RGS6: variants seen among roughly 807,000 people sequenced by gnomAD.
The protein encoded by RGS6 is regulator of G-protein signaling 6.
Under a neutral mutation model 78.5 loss-of-function variants are expected in RGS6, and 30 were observed. That is an observed-to-expected ratio of 0.38 (90% CI 0.29 to 0.52). The LOEUF (loss-of-function observed/expected upper bound fraction) is 0.52, where lower values mean the gene tolerates loss of function less well. RGS6 is among the 20% of genes least tolerant of loss of function. The pLI, the probability that RGS6 is intolerant of heterozygous loss-of-function variation, is 0.85. For missense variants in RGS6, 495 were observed against 609.7 expected, an observed-to-expected ratio of 0.81 and a Z score of 1.98; for synonymous variants, 206 against 206.0, an observed-to-expected ratio of 1.00 and a Z score of 0.00.
chr14:72,411,761 A>G (rs1387917083), intron 3 of RGS6, among the ~76,000 whole-genome samples: 9 of 152,144 alleles, frequency 5.9e-5, no homozygotes, highest in Admixed American at 2.0e-4. Context: ...AATTTATTGA[A>G]AGTTTTTAGC....
At chr14:72,572,524 C>T in the RGS6 span, among the ~76,000 whole-genome samples, 1 of 152,120 alleles carries the variant, frequency 6.6e-6, no homozygotes, top group Non-Finnish European at 1.5e-5. Flanking sequence ...AAACATTATG[C>T]TAAGTGAAAG....
chr14:71,903,809 C>G, the RGS6 span, among the ~76,000 whole-genome samples: 1 of 152,244 alleles, frequency 6.6e-6, no homozygotes, highest in East Asian at 1.9e-4. Flanking sequence ...TTCATTTGTC[C>G]TTAGAAAAAT....
intron 3 of RGS6, among the ~76,000 whole-genome samples, chr14:72,378,298 A>G (rs2085252049): frequency 6.6e-6 from 1 of 152,188 alleles, no homozygotes; most frequent in South Asian, 2.1e-4. Flanking sequence ...ATCTCCAGAA[A>G]CCAGAAAACT....
intron 2 of RGS6, among the ~76,000 whole-genome samples, chr14:72,148,059 A>G (rs567855194): frequency 1.4e-5 from 2 of 144,256 alleles, no homozygotes; most frequent in South Asian, 4.6e-4. Context: ...TGAACCTGGG[A>G]GGCAGAGCTT....
Position 72,319,172 on chromosome 14 carries a change from A to T in RGS6, c.85-32923A>T, listed in dbSNP as rs1159539817. Among the ~76,000 whole-genome samples the T allele has an allele frequency of 2.6e-5, 4 of 152,322 alleles. No homozygotes were observed. The East Asian group carries it at 5.8e-4, about 22-fold the overall frequency. On this transcript the variant is annotated intron_variant, in intron 2 of 17. Coordinates refer to ENST00000553525, the MANE Select transcript of RGS6 (RefSeq NM_001204424.2). ...CTGGAAAATAGATGGTAAATGCAGA[A>T]CACTCACTATAGGTGATTCCAACAG...
At chr14:72,145,350 A>G (rs1228012599) in intron 2 of RGS6, among the ~76,000 whole-genome samples, 2 of 152,214 alleles carry the variant, frequency 1.3e-5, no homozygotes, top group South Asian at 2.1e-4. Context: ...GAGTCAAACC[A>G]TGGACAGAAT....
chr14:72,556,334 C>T (rs957396680), intron 17 of RGS6, among the ~76,000 whole-genome samples: 3 of 152,062 alleles, frequency 2.0e-5, no homozygotes, highest in Admixed American at 6.5e-5. Flanking sequence ...AAAAAACCAT[C>T]GGATCTCATG....
intron 2 of RGS6, among the ~76,000 whole-genome samples, chr14:72,328,313 T>G (rs1341088509): frequency 6.6e-6 from 1 of 152,186 alleles, no homozygotes; most frequent in Non-Finnish European, 1.5e-5. Flanking sequence ...CCCAGTCAAG[T>G]TGACACATAA....
intron 3 of RGS6, among the ~76,000 whole-genome samples, chr14:72,443,511 G>A (rs372011350): frequency 6.1e-4 from 93 of 152,338 alleles, no homozygotes; most frequent in African/African-American, 1.9e-3. Context: ...GTCCTGGTGA[G>A]TAACTATGGC....
intron 2 of RGS6, among the ~76,000 whole-genome samples, chr14:72,026,246 A>G (rs374191763): frequency 1.2e-4 from 19 of 152,056 alleles, no homozygotes; most frequent in East Asian, 1.2e-3. Context: ...GTCTCTGTTA[A>G]AAATATGAAA....
chr14:71,929,197 C>A (rs886808273), upstream of RGS6, among the ~76,000 whole-genome samples: 27 of 152,196 alleles, frequency 1.8e-4, no homozygotes, highest in African/African-American at 5.3e-4. Flanking sequence ...CCATTGAATC[C>A]ACAGAATCCA....
intron 2 of RGS6, among the ~76,000 whole-genome samples, chr14:71,965,518 A>G (rs1285384778): frequency 6.6e-6 from 1 of 152,228 alleles, no homozygotes; most frequent in African/African-American, 2.4e-5. Context: ...AAGGGCACAG[A>G]GCTGAGGAAA....
Position 72,246,759 on chromosome 14 carries a change from AC to A in RGS6, c.85-105335del, listed in dbSNP as rs536459573. Reference sequence around the variant, plus strand: ...ACCCCATCTCTACTAAAAATACAAAACTTAGCTGGGCATGGTGGCGTCTGTA... The same window carrying A: ...ACCCCATCTCTACTAAAAATACAAAATTAGCTGGGCATGGTGGCGTCTGTA... On this transcript the variant is annotated intron_variant, in intron 2 of 17. Transcript: ENST00000553525. Among the ~76,000 whole-genome samples the A allele has an allele frequency of 1.5e-4, 23 of 152,206 alleles. No homozygotes were observed. In the South Asian group the frequency reaches 4.6e-3, roughly 30 times the overall value.
chr14:72,537,949 A>G (rs983415079), intron 16 of RGS6, among the ~76,000 whole-genome samples: 3 of 152,180 alleles, frequency 2.0e-5, no homozygotes, highest in Non-Finnish European at 4.4e-5. Flanking sequence ...AAAACCTCTC[A>G]GAGGAGGTCA....
chr14:72,075,736 GTTC>G (rs2094550388), intron 2 of RGS6, among the ~76,000 whole-genome samples: 1 of 152,132 alleles, frequency 6.6e-6, no homozygotes, highest in South Asian at 2.1e-4. Context: ...AGCTGCAGTT[GTTC>G]AAGTCCCACC....
chr14:72,334,973 T>TGTA (rs2075769849), intron 2 of RGS6, among the ~76,000 whole-genome samples: 5 of 152,074 alleles, frequency 3.3e-5, no homozygotes, highest in African/African-American at 1.2e-4. Flanking sequence ...CTCCTATAAT[T>TGTA]CCCTTGTGTC....
At position 72,496,970 on chromosome 14, in the gene RGS6, G is replaced by A. The variant is rs766797104; in HGVS notation, c.965+1708G>A. Reference sequence around the variant, plus strand: ...TAGCTACATACTATCCCCTGGCACCGGTGAAGTAAGATTTATTTTACCAGT... The same window carrying A: ...TAGCTACATACTATCCCCTGGCACCAGTGAAGTAAGATTTATTTTACCAGT... On this transcript the variant is annotated intron_variant, in intron 13 of 17. Transcript: ENST00000553525. 3.3e-4 allele frequency among the ~76,000 whole-genome samples: 50 copies of A among 152,180 alleles called. 1 individual carries two copies. The highest frequency in any genetic ancestry group is 7.2e-4 in the Admixed American group (11 of 15,294).
At chr14:71,956,949 G>A (rs1356894682) in intron 1 of RGS6, among the ~76,000 whole-genome samples, 1 of 152,228 alleles carries the variant, frequency 6.6e-6, no homozygotes, top group Non-Finnish European at 1.5e-5. Flanking sequence ...GTCTAAATAA[G>A]TTTGAAGATT....
intron 12 of RGS6, among the ~76,000 whole-genome samples, chr14:72,492,698 A>C (rs1228227851): frequency 6.6e-6 from 1 of 151,958 alleles, no homozygotes; most frequent in African/African-American, 2.4e-5. Context: ...GCCCCAACAG[A>C]CCCTCAGCCC....
Sources: allele counts gnomAD v4.1 joint callset (sites outside exome capture counted in the v4.1 genomes callset), GRCh38; gene constraint gnomAD v4.1.1; transcripts MANE v1.5; gene names NCBI Gene and HGNC (gene_info 2026-07-23, HGNC 2026-07-21).